The following PCDH11X variants were observed in gnomAD, a reference collection of about 807,000 sequenced individuals.
PCDH11X encodes the protein protocadherin-11 X-linked.
In PCDH11X, 18 loss-of-function variants were observed where a neutral mutation model predicts 53.3. The observed-to-expected ratio is 0.34, with a 90% CI of 0.23 to 0.50. The LOEUF (loss-of-function observed/expected upper bound fraction) is 0.50. Ranked by LOEUF, PCDH11X falls within the 20% of genes least tolerant of loss-of-function variation. The pLI is 0.98. For missense variants in PCDH11X, 570 were observed against 1,032.4 expected, an observed-to-expected ratio of 0.55 and a Z score of 6.14; for synonymous variants, 279 against 393.3, an observed-to-expected ratio of 0.71 and a Z score of 3.44.
intron 6 of PCDH11X, among the ~76,000 whole-genome samples, chrX:91,976,477 T>C (rs945685607): frequency 9.8e-5 from 11 of 112,017 alleles, no homozygotes; most frequent in African/African-American, 3.2e-4. Context: ...TATTGAATGA[T>C]AGACTTTTTG....
intron 10 of PCDH11X, among the ~76,000 whole-genome samples, chrX:92,490,099 A>C (rs185018740): frequency 1.7e-3 from 185 of 108,224 alleles, no homozygotes; most frequent in Middle Eastern, 9.9e-3. Context: ...ATACATAAAC[A>C]TAATAGTTTA....
intron 9 of PCDH11X, among the ~76,000 whole-genome samples, chrX:92,450,556 G>C (rs2072758348): frequency 9.2e-6 from 1 of 109,237 alleles, no homozygotes; most frequent in Non-Finnish European, 1.9e-5. Flanking sequence ...ATAAAATGGA[G>C]TGTGTTTTTA....
At chrX:92,212,067 A>G (rs894350763) in intron 7 of PCDH11X, among the ~76,000 whole-genome samples, 2 of 89,162 alleles carry the variant, frequency 2.2e-5, no homozygotes, top group African/African-American at 9.0e-5. Flanking sequence ...GCTGGAGTGC[A>G]GTGGTGCAAT....
intron 6 of PCDH11X, among the ~76,000 whole-genome samples, chrX:92,120,515 A>T (rs772264185): frequency 1.8e-5 from 2 of 113,047 alleles, no homozygotes; most frequent in Non-Finnish European, 3.7e-5. Flanking sequence ...TATGGTGAAA[A>T]TGCAGATTCA....
At chrX:92,248,355 C>G (rs1186042469) in intron 7 of PCDH11X, among the ~76,000 whole-genome samples, 2 of 111,812 alleles carry the variant, frequency 1.8e-5, no homozygotes, top group East Asian at 5.6e-4. Context: ...ATATATATAA[C>G]TAGTCTTTAA....
intron 9 of PCDH11X, among the ~76,000 whole-genome samples, chrX:92,456,845 C>T (rs1215132475): frequency 1.8e-5 from 2 of 108,596 alleles, no homozygotes; most frequent in Non-Finnish European, 3.8e-5. Context: ...AACATATCAT[C>T]TAAGAAGATT....
chrX:92,012,547 T>C (rs1032790558), intron 6 of PCDH11X, among the ~76,000 whole-genome samples: 2 of 111,818 alleles, frequency 1.8e-5, no homozygotes, highest in African/African-American at 6.5e-5. Flanking sequence ...CTTGCAAGTA[T>C]AAATGTATAC....
In PCDH11X at chrX:92,326,810, T is replaced by C. The variant is rs1160009944; in HGVS notation, c.3145-60925T>C. On this transcript the variant is annotated intron_variant, in intron 8 of 10. Transcript: ENST00000682573. The stretch of plus-strand genomic sequence containing the variant: ...CTTTTGCCATATTTAATGAAGATAT[T>C]GTTACCCATATAAATATTTGAAGAG... Among the ~76,000 whole-genome samples the C allele has an allele frequency of 3.9e-5, 4 of 102,293 alleles. No individual in the cohort carries two copies. The Admixed American group carries it at 4.4e-4, about 11-fold the overall frequency. 88.8% of individuals were successfully genotyped at this position (102,293 alleles called of 115,157 possible).
At chrX:92,239,835 A>G (rs952400489) in intron 7 of PCDH11X, among the ~76,000 whole-genome samples, 1 of 112,043 alleles carries the variant, frequency 8.9e-6, no homozygotes, top group African/African-American at 3.2e-5. Flanking sequence ...TTATTTTTCC[A>G]GAGACCAATG....
chrX:92,076,685 C>A (rs57367360), intron 6 of PCDH11X, among the ~76,000 whole-genome samples: 4,239 of 111,332 alleles, frequency 0.038, 206 homozygotes, highest in African/African-American at 0.13. Context: ...CAAATTAAGT[C>A]ATTTATTTTT....
chrX:92,210,902 A>G (rs1193838841), intron 7 of PCDH11X, among the ~76,000 whole-genome samples: 2 of 111,534 alleles, frequency 1.8e-5, no homozygotes, highest in East Asian at 5.7e-4. Context: ...TGTTCATATA[A>G]CTATCCACAT....
chrX:92,068,736 T>C (rs1602810746), intron 6 of PCDH11X, among the ~76,000 whole-genome samples: 1 of 109,559 alleles, frequency 9.1e-6, no homozygotes, highest in Admixed American at 9.9e-5. Flanking sequence ...GACGGGGTTT[T>C]ACCATGTTGG....
chrX:92,045,509 A>C (rs2063273466), intron 6 of PCDH11X, among the ~76,000 whole-genome samples: 1 of 108,791 alleles, frequency 9.2e-6, no homozygotes, highest in Admixed American at 1.0e-4. Flanking sequence ...ACTGATACAA[A>C]TCAAATAGTT....
chrX:92,364,423 T>C (rs1422959287), intron 8 of PCDH11X, among the ~76,000 whole-genome samples: 7 of 110,854 alleles, frequency 6.3e-5, no homozygotes, highest in African/African-American at 2.3e-4. Context: ...GTAAAAATAG[T>C]ACAAAAATAG....
intron 6 of PCDH11X, among the ~76,000 whole-genome samples, chrX:92,075,974 C>A (rs1602836553): frequency 9.1e-6 from 1 of 109,841 alleles, no homozygotes; most frequent in East Asian, 2.9e-4. Context: ...AGCATAATAC[C>A]TAGAGGCTGT....
At position 92,469,309 on chromosome X, in the gene PCDH11X, A is replaced by G. The variant is rs189799207; in HGVS notation, c.3367+987A>G. Among the ~76,000 whole-genome samples the G allele has an allele frequency of 1.0e-3, 110 of 110,505 alleles. 4 individuals carry two copies. The East Asian group carries it at 0.028, about 28-fold the overall frequency. On this transcript the variant is annotated intron_variant, in intron 10 of 10. Coordinates refer to ENST00000682573, the MANE Select transcript of PCDH11X (RefSeq NM_032968.5). The stretch of plus-strand genomic sequence containing the variant: ...TTTTAAATGTAAAATGTTGCTTTTG[A>G]CTTTTTACACTGTGTTGGGGTAGTT...
At chrX:92,601,752 T>G (rs1388432830) in intron 10 of PCDH11X, among the ~76,000 whole-genome samples, 1 of 110,069 alleles carries the variant, frequency 9.1e-6, no homozygotes, top group Non-Finnish European at 1.9e-5. Context: ...CTGTGGCATT[T>G]GAATCATAAT....
intron 6 of PCDH11X, among the ~76,000 whole-genome samples, chrX:91,995,114 T>G (rs1281009590): frequency 2.7e-5 from 3 of 110,360 alleles, no homozygotes; most frequent in Admixed American, 9.7e-5. Context: ...GTAGGTTGCC[T>G]TTTCATTTAG....
intron 10 of PCDH11X, among the ~76,000 whole-genome samples, chrX:92,589,149 C>T (rs1478170986): frequency 9.0e-6 from 1 of 111,613 alleles, no homozygotes; most frequent in Non-Finnish European, 1.9e-5. Flanking sequence ...TGTAAACAAA[C>T]AGAAGCTGAC....
Sources: allele counts gnomAD v4.1 joint callset (sites outside exome capture counted in the v4.1 genomes callset), GRCh38; gene constraint gnomAD v4.1.1; transcripts MANE v1.5; gene names NCBI Gene and HGNC (gene_info 2026-07-23, HGNC 2026-07-21).